L3MBTL4: variants seen among roughly 807,000 people sequenced by gnomAD.
L3MBTL4 encodes L3MBTL histone methyl-lysine binding protein 4, also known as lethal(3)malignant brain tumor-like protein 4.
Under a neutral mutation model 84.5 loss-of-function variants are expected in L3MBTL4, and 70 were observed. The ratio of observed to expected loss-of-function variants is 0.83; its 90% confidence interval spans 0.68 to 1.01. The LOEUF (loss-of-function observed/expected upper bound fraction) is 1.01, where lower values mean the gene tolerates loss of function less well. L3MBTL4 is among the 50% of genes least tolerant of loss of function. The probability of loss-of-function intolerance (pLI) is 0.00; values close to 1 mark genes in which losing one functional copy is unlikely to be tolerated. For missense variants in L3MBTL4, 715 were observed against 754.8 expected (o/e 0.95, Z 0.62); for synonymous variants, 274 against 259.8 (o/e 1.05, Z -0.52).
At chr18:6,010,293 T>A (rs2054675498) in intron 16 of L3MBTL4, among the ~76,000 whole-genome samples, 1 of 152,196 alleles carries the variant, frequency 6.6e-6, no homozygotes, top group Non-Finnish European at 1.5e-5. Context: ...GTTTAAAATG[T>A]TGCTAATCTA....
At chr18:6,389,617 T>A (rs341209) in intron 1 of L3MBTL4, among the ~76,000 whole-genome samples, 1,572 of 151,980 alleles carry the variant, frequency 0.01, 25 homozygotes, top group African/African-American at 0.035. Context: ...AAATATTCCA[T>A]GCAAATGGAA....
intron 16 of L3MBTL4, among the ~76,000 whole-genome samples, chr18:5,979,964 G>A (rs1388381416): frequency 6.6e-6 from 1 of 152,192 alleles, no homozygotes; most frequent in Non-Finnish European, 1.5e-5. Flanking sequence ...AGGCAGTAAA[G>A]GCACACGTCG....
At chr18:6,133,051 C>T (rs1007253735) in intron 14 of L3MBTL4, among the ~76,000 whole-genome samples, 5 of 152,064 alleles carry the variant, frequency 3.3e-5, no homozygotes, top group African/African-American at 4.8e-5. Context: ...CGAACTTTGA[C>T]GATAATGATT....
intron 1 of L3MBTL4, chr18:6,395,799 A>G (rs1439179086): frequency 6.6e-6 from 1 of 152,212 alleles, no homozygotes; most frequent in Non-Finnish European, 1.5e-5. Flanking sequence ...ATCATTTTAT[A>G]ATTTAACTCC....
intron 12 of L3MBTL4, among the ~76,000 whole-genome samples, chr18:6,207,359 G>A (rs1487058376): frequency 6.6e-6 from 1 of 152,172 alleles, no homozygotes; most frequent in Non-Finnish European, 1.5e-5. Flanking sequence ...CTTATAAGCT[G>A]TGCAACCTTG....
chr18:6,215,922 C>T (rs2046307542), intron 10 of L3MBTL4, 87 bp from the exon 11 acceptor site: 2 of 671,180 alleles, frequency 3.0e-6, no homozygotes, highest in Non-Finnish European at 2.4e-6. Flanking sequence ...GATATGACAC[C>T]TAATGTTAAT....
At chr18:6,102,930 TGAAA>T (rs1275538959) in intron 14 of L3MBTL4, among the ~76,000 whole-genome samples, 1 of 152,038 alleles carries the variant, frequency 6.6e-6, no homozygotes, top group Non-Finnish European at 1.5e-5. Flanking sequence ...AGAGTGAAGG[TGAAA>T]GAGAGAGCGA....
In L3MBTL4 at chr18:6,362,215, G is replaced by A. The variant is rs1165013953; in HGVS notation, c.-90-50159C>T. Among the ~76,000 whole-genome samples, 5 of 130,340 alleles carry A rather than the reference G, an allele frequency of 3.8e-5. No homozygotes were observed. The East Asian group carries it at 9.3e-4, about 24-fold the overall frequency. The allele number at this position is 130,340 out of a possible 152,430, so 85.5% of individuals were successfully genotyped here. A position where few individuals can be genotyped will look rare whatever the true frequency, so the allele number is the denominator to read the frequency against. ...AGGAAGGGAGGGAGGGAAGGAGGGA[G>A]GGAGGGGAGGGGAGGGGACTGAAAG... is the stretch of plus-strand genomic sequence containing the variant. On this transcript the variant is annotated intron_variant, in intron 1 of 18. Coordinates refer to ENST00000317931, the MANE Select transcript of L3MBTL4 (RefSeq NM_001330559.2).
intron 14 of L3MBTL4, among the ~76,000 whole-genome samples, chr18:6,103,103 G>C (rs544831517): frequency 1.3e-5 from 2 of 152,310 alleles, no homozygotes; most frequent in African/African-American, 4.8e-5. Context: ...TTAATGTACT[G>C]TAAGTAATTT....
intron 15 of L3MBTL4, 119 bp downstream of exon 15, chr18:6,093,236 C>A: frequency 1.2e-6 from 1 of 803,826 alleles, no homozygotes; most frequent in Non-Finnish European, 1.8e-6. Context: ...CTAATAATAT[C>A]CAGAAATAAA....
chr18:6,028,955 T>A (rs1041999867), intron 16 of L3MBTL4, among the ~76,000 whole-genome samples: 2 of 152,210 alleles, frequency 1.3e-5, no homozygotes, highest in African/African-American at 4.8e-5. Flanking sequence ...ATAGACTCAA[T>A]ATTAAAATAA....
rs539827525 is a variant in L3MBTL4, at chr18:6,414,458, G to A, written c.-91+343C>T. Among the ~76,000 whole-genome samples the A allele has an allele frequency of 6.6e-6, 1 of 152,238 alleles. No individual in the cohort carries two copies. Among genetic ancestry groups the A allele is most frequent in the South Asian group, 2.1e-4 (1 of 4,828 alleles). On this transcript the variant is annotated intron_variant, in intron 1 of 18. Transcript: ENST00000317931. The surrounding 1 kb of genome is among the most constrained non-coding windows in gnomAD (Gnocchi z 5.4). The stretch of plus-strand genomic sequence containing the variant: ...CCGGTCCCAGGCTGCGCTGGCTCCA[G>A]GGCGCCCAGGTAGCCGCGCCTGGCA...
chr18:6,057,133 C>T (rs964373345), intron 16 of L3MBTL4, among the ~76,000 whole-genome samples: 1 of 151,912 alleles, frequency 6.6e-6, no homozygotes, highest in African/African-American at 2.4e-5. Flanking sequence ...CAGGCTCAAG[C>T]GATTCTCCTG....
At chr18:6,185,960 CTT>C (rs1555682201) in intron 12 of L3MBTL4, among the ~76,000 whole-genome samples, 69 of 145,814 alleles carry the variant, frequency 4.7e-4, no homozygotes, top group African/African-American at 1.7e-3. Flanking sequence ...AGGGCACTTT[CTT>C]TATTTTATTT....
intron 15 of L3MBTL4, among the ~76,000 whole-genome samples, chr18:6,083,713 T>A (rs1291136580): frequency 6.6e-6 from 1 of 152,196 alleles, no homozygotes; most frequent in African/African-American, 2.4e-5. Context: ...CCGGGCATCC[T>A]AAACAATCTT....
intron 16 of L3MBTL4, among the ~76,000 whole-genome samples, chr18:5,999,651 T>G (rs1567967325): frequency 6.6e-6 from 1 of 152,204 alleles, no homozygotes; most frequent in Non-Finnish European, 1.5e-5. Flanking sequence ...TAAATTCCAT[T>G]TTCAGTGAAA....
intron 16 of L3MBTL4, among the ~76,000 whole-genome samples, chr18:6,055,679 A>G (rs1301430928): frequency 6.6e-6 from 1 of 152,206 alleles, no homozygotes; most frequent in Non-Finnish European, 1.5e-5. Context: ...GATACAAAAT[A>G]TAATAAGGAA....
chr18:6,145,974 G>C (rs981815592), intron 13 of L3MBTL4, among the ~76,000 whole-genome samples: 1 of 152,196 alleles, frequency 6.6e-6, no homozygotes, highest in Non-Finnish European at 1.5e-5. Context: ...AGTGGGGGAC[G>C]TGGGGAGATT....
At position 5,966,877 on chromosome 18, in the gene L3MBTL4, G is replaced by A. The variant is rs745521631; in HGVS notation, c.1614+2516C>T. On this transcript the variant is annotated intron_variant, in intron 17 of 18. Transcript: ENST00000317931. ...CTGTAAATGGAATGGCATTTGGCAC[G>A]TCTCACTTTTTCTTCTTCTATGTCT... 7.9e-5 allele frequency among the ~76,000 whole-genome samples: 12 copies of A among 151,084 alleles called. No homozygotes were observed. In the South Asian group the frequency reaches 1.3e-3, roughly 17 times the overall value.
Sources: allele counts gnomAD v4.1 joint callset (sites outside exome capture counted in the v4.1 genomes callset), GRCh38; gene constraint gnomAD v4.1.1; non-coding constraint Gnocchi (gnomAD v3.1); transcripts MANE v1.5; gene names NCBI Gene and HGNC (gene_info 2026-07-23, HGNC 2026-07-21).